GRIP1: variants seen among roughly 807,000 people sequenced by gnomAD.
GRIP1 encodes the protein glutamate receptor-interacting protein 1.
A neutral mutation model predicts 129.9 loss-of-function variants in GRIP1; 45 were observed. The ratio of observed to expected loss-of-function variants is 0.35; its 90% CI spans 0.27 to 0.44. The LOEUF (loss-of-function observed/expected upper bound fraction) is 0.44, where lower values mean the gene tolerates loss of function less well. Ranked by LOEUF, GRIP1 falls within the 20% of genes least tolerant of loss-of-function variation. GRIP1 has a pLI of 1.00. For synonymous variants in GRIP1, 530 were observed against 520.8 expected, an observed-to-expected ratio of 1.02 and a Z score of -0.24; for missense variants, 1,196 against 1,396.8, an observed-to-expected ratio of 0.86 and a Z score of 2.29.
intron 1 of GRIP1, among the ~76,000 whole-genome samples, chr12:66,724,834 C>T (rs969321495): frequency 2.6e-5 from 4 of 152,174 alleles, no homozygotes; most frequent in Non-Finnish European, 5.9e-5. Context: ...AGGGCTAACC[C>T]GATGTCAGAC....
intron 7 of GRIP1, among the ~76,000 whole-genome samples, chr12:66,496,864 AGAAAGAG>A (rs2060251675): frequency 1.5e-5 from 2 of 136,524 alleles, no homozygotes; most frequent in South Asian, 2.5e-4. Flanking sequence ...GGAAAAGAAA[AGAAAGAG>A]AGAGGATAGG....
intron 1 of GRIP1, among the ~76,000 whole-genome samples, chr12:67,062,912 G>T (rs921789277): frequency 1.3e-5 from 2 of 152,128 alleles, no homozygotes; most frequent in African/African-American, 2.4e-5. Context: ...GGTTCTTAAA[G>T]AATAAAAATT....
intron 7 of GRIP1, among the ~76,000 whole-genome samples, chr12:66,474,323 C>T (rs1312571752): frequency 6.6e-6 from 1 of 151,980 alleles, no homozygotes; most frequent in Non-Finnish European, 1.5e-5. Context: ...AAATATGGGA[C>T]TATGTGAAAA....
intron 2 of GRIP1, among the ~76,000 whole-genome samples, chr12:66,595,535 C>G (rs1161906821): frequency 6.6e-6 from 1 of 152,124 alleles, no homozygotes; most frequent in Non-Finnish European, 1.5e-5. Context: ...TGATGGGTAA[C>G]TGATATTCTT....
chr12:66,488,133 T>C (rs1242009336), intron 7 of GRIP1, among the ~76,000 whole-genome samples: 2 of 152,168 alleles, frequency 1.3e-5, no homozygotes, highest in Non-Finnish European at 2.9e-5. Context: ...GTGGACCTGA[T>C]AGATATCTAC....
intron 1 of GRIP1, among the ~76,000 whole-genome samples, chr12:66,854,897 CT>C (rs1017008906): frequency 6.6e-6 from 1 of 152,014 alleles, no homozygotes; most frequent in Non-Finnish European, 1.5e-5. Context: ...ACCCCAAATA[CT>C]TTCACTATTG....
rs570347521 is a variant in GRIP1, at chr12:66,936,734, T to A, written c.58+132316A>T. Among the ~76,000 whole-genome samples, 194 of 152,268 alleles carry A rather than the reference T, an allele frequency of 1.3e-3. 2 individuals are homozygous for A. The highest frequency in any genetic ancestry group is 4.5e-3 in the African/African-American group (186 of 41,560). On this transcript the variant is annotated intron_variant, in intron 1 of 1. Coordinates refer to the GRIP1 transcript ENST00000643019. ...GGGTCTCTGTACTTAACCTAGGGAATCTGTCTAACTCTTAGGGGAATTTAG... is the reference window on the plus strand; with the variant it reads ...GGGTCTCTGTACTTAACCTAGGGAAACTGTCTAACTCTTAGGGGAATTTAG...
intron 1 of GRIP1, among the ~76,000 whole-genome samples, chr12:66,935,762 G>A (rs2041473164): frequency 6.6e-6 from 1 of 152,180 alleles, no homozygotes; most frequent in Non-Finnish European, 1.5e-5. Flanking sequence ...TACAGAAACA[G>A]TGAGATTGGT....
At chr12:66,667,906 G>T (rs2033882678) in intron 1 of GRIP1, among the ~76,000 whole-genome samples, 1 of 152,124 alleles carries the variant, frequency 6.6e-6, no homozygotes, top group African/African-American at 2.4e-5. Context: ...GCCTGTCTGT[G>T]GTTCCATGGC....
intron 1 of GRIP1, among the ~76,000 whole-genome samples, chr12:66,935,898 G>A (rs111765833): frequency 0.014 from 2,136 of 152,214 alleles, 53 homozygotes; most frequent in African/African-American, 0.048. Context: ...ATTAAGTTAG[G>A]TTTTCAATTT....
At chr12:66,904,301 A>G (rs766677661) in intron 1 of GRIP1, among the ~76,000 whole-genome samples, 25 of 152,212 alleles carry the variant, frequency 1.6e-4, no homozygotes, top group Non-Finnish European at 3.1e-4. Flanking sequence ...AAACCCCTGC[A>G]TGGTGGTGCT....
chr12:66,908,220 G>T (rs2040967780), intron 1 of GRIP1, among the ~76,000 whole-genome samples: 1 of 152,108 alleles, frequency 6.6e-6, no homozygotes, highest in African/African-American at 2.4e-5. Flanking sequence ...CCAACAAGAT[G>T]AGATGAATAA....
chr12:66,650,599 A>G (rs2032723174), intron 1 of GRIP1, among the ~76,000 whole-genome samples: 1 of 152,202 alleles, frequency 6.6e-6, no homozygotes, highest in Non-Finnish European at 1.5e-5. Flanking sequence ...ACCTTCCTTG[A>G]GAGATAACTT....
At chr12:66,387,651 A>G (rs2056412469) in intron 19 of GRIP1, among the ~76,000 whole-genome samples, 1 of 152,256 alleles carries the variant, frequency 6.6e-6, no homozygotes, top group African/African-American at 2.4e-5. Context: ...AAATAATCAC[A>G]AAATTTAAAA....
chr12:66,379,253 T>C (rs753784544), intron 20 of GRIP1, 27 bp downstream of exon 20: 5 of 1,609,394 alleles, frequency 3.1e-6, no homozygotes, highest in Admixed American at 1.7e-5. Flanking sequence ...TCATCTTGGA[T>C]GAGGCAGCAT....
intron 1 of GRIP1, among the ~76,000 whole-genome samples, chr12:66,991,582 C>T (rs1029829664): frequency 2.0e-5 from 3 of 152,018 alleles, no homozygotes; most frequent in African/African-American, 4.8e-5. Context: ...TAAAAGAATA[C>T]AAGAAAACAT....
intron 23 of GRIP1, among the ~76,000 whole-genome samples, chr12:66,369,948 G>A (rs142696579): frequency 1.3e-5 from 2 of 152,254 alleles, no homozygotes; most frequent in East Asian, 3.9e-4. Context: ...CTAAACCTGG[G>A]TCATCATCCT....
chr12:67,067,441 T>G (rs930252407), intron 1 of GRIP1, among the ~76,000 whole-genome samples: 3 of 152,190 alleles, frequency 2.0e-5, no homozygotes, highest in African/African-American at 7.2e-5. Flanking sequence ...AATGCTTTCA[T>G]GTAGTGCTTT....
intron 23 of GRIP1, among the ~76,000 whole-genome samples, chr12:66,371,122 C>A (rs866333276): frequency 1.3e-5 from 2 of 151,502 alleles, no homozygotes; most frequent in Non-Finnish European, 2.9e-5. Flanking sequence ...GACATTGGAG[C>A]CTCAAATTTT....
Sources: allele counts gnomAD v4.1 joint callset (sites outside exome capture counted in the v4.1 genomes callset), GRCh38; gene constraint gnomAD v4.1.1; transcripts MANE v1.5; gene names NCBI Gene and HGNC (gene_info 2026-07-23, HGNC 2026-07-21).